TCF25: variants seen among roughly 807,000 people sequenced by gnomAD.
The protein encoded by TCF25 is TCF25 ribosome quality control complex subunit.
In TCF25, 41 loss-of-function variants were observed where a neutral mutation model predicts 83.1. That is an observed-to-expected ratio of 0.49 (90% CI 0.38 to 0.64). TCF25 has a LOEUF of 0.64. TCF25 is among the 30% of genes least tolerant of loss of function. TCF25 has a pLI of 0.00. For synonymous variants in TCF25, 458 were observed against 365.0 expected (o/e 1.25, Z -2.90); for missense variants, 979 against 914.5 (o/e 1.07, Z -0.91).
chr16:89,887,494 C>G (rs987838459), intron 4 of TCF25, among the ~76,000 whole-genome samples, 158 bp from the exon 5 acceptor site: 2 of 152,214 alleles, frequency 1.3e-5, no homozygotes, highest in South Asian at 4.1e-4. Context: ...GAGGCCTCAG[C>G]TGTGGTTGGG....
intron 1 of TCF25, 139 bp from the exon 2 acceptor site, chr16:89,883,212 T>G: frequency 8.6e-7 from 1 of 1,166,494 alleles, no homozygotes; most frequent in Non-Finnish European, 1.2e-6. Flanking sequence ...CTCGGGTTCT[T>G]GCATCTTTCC....
At chr16:89,909,168 A>G in intron 16 of TCF25, 2 of 1,274,014 alleles carry the variant, frequency 1.6e-6, no homozygotes, top group South Asian at 2.5e-5. Flanking sequence ...CATAAAATCA[A>G]AACTGCACCA....
rs759637015 is a variant in TCF25 at position 89,905,131 on chromosome 16, CCCT to C, written c.1628+40_1628+42del. The C allele has an allele frequency of 5.2e-6, 8 of 1,530,384 alleles. No individual in the cohort carries two copies. In the East Asian group the frequency reaches 7.0e-5, roughly 13 times the overall value. The allele number at this position is 1,530,384 out of a possible 1,614,324, so 94.8% of individuals were successfully genotyped here. On this transcript the variant is annotated intron_variant, in intron 14 of 17. Transcript: ENST00000263346. Reference sequence around the variant, plus strand: ...GGGTTGACACAAGCCCTGCCACGCCCCCTCCTCAGGGACCCTCATCCCAGACAC... The same window carrying C: ...GGGTTGACACAAGCCCTGCCACGCCCCCTCAGGGACCCTCATCCCAGACAC...
rs751414598 is a variant in TCF25 at position 89,884,656 on chromosome 16, G to C, written c.429G>C (p.Ser143=). The change falls in exon 3 of 18, where the codon TCG becomes TCC. Residue 143 remains serine (S), a splice_region_variant and synonymous_variant. Transcript: ENST00000263346. ...KNKKSSTGEA[S]ENGLEDIDRI... is the part of the protein sequence containing the mutation. ...AGAAAAGCAGCACGGGAGAAGCATC[G>C]GTACGTGAGTTGGGCCTGGCTGTGC... 1 of 1,611,396 alleles carries C rather than the reference G, an allele frequency of 6.2e-7. No individual in the cohort carries two copies.
At chr16:89,880,741 C>T (rs1198624410) in intron 1 of TCF25, among the ~76,000 whole-genome samples, 3 of 152,154 alleles carry the variant, frequency 2.0e-5, no homozygotes, top group African/African-American at 7.2e-5. Context: ...GACAAGTAAA[C>T]CAGCACCCAG....
chr16:89,911,202 C>CCTG lies in TCF25; in HGVS notation c.1995_1996insCTG (p.His665_Glu666insLeu). 1 of 1,612,466 alleles carries CCTG rather than the reference C, an allele frequency of 6.2e-7. No homozygotes were observed. Among genetic ancestry groups the CCTG allele is most frequent in the Non-Finnish European group, 8.5e-7 (1 of 1,179,970 alleles). On this transcript the variant is annotated inframe_insertion, in exon 18 of 18. Coordinates refer to ENST00000263346, the MANE Select transcript of TCF25 (RefSeq NM_014972.3). ...ACCTCAACGACCTGGAGGCGCCGCA[C>CCTG]GAGGACGACGCTGAGGGGGAGGGGG...
At chr16:89,910,302 T>G (rs950472786) in intron 16 of TCF25, 5 of 512,108 alleles carry the variant, frequency 9.8e-6, no homozygotes, top group African/African-American at 7.7e-5. Context: ...ACCTGTGCAG[T>G]GGCCGAGGAT....
chr16:89,906,374 T>C, intron 15 of TCF25, 90 bp downstream of exon 15: 1 of 1,307,946 alleles, frequency 7.6e-7, no homozygotes, highest in East Asian at 2.4e-5. Flanking sequence ...CAGGCGTGCG[T>C]GGTGCGGGCT....
intron 6 of TCF25, among the ~76,000 whole-genome samples, chr16:89,893,042 G>A (rs1414780154): frequency 1.3e-5 from 2 of 152,194 alleles, no homozygotes; most frequent in Admixed American, 6.5e-5. Context: ...CGCTGCTCAC[G>A]GCCCCTTCCC....
At chr16:89,908,836 C>G (rs370172757) in intron 16 of TCF25, 68 of 881,982 alleles carry the variant, frequency 7.7e-5, no homozygotes, top group Non-Finnish European at 8.6e-5. Flanking sequence ...CCAGCTCCCA[C>G]CTCGCAGCTC....
At position 89,895,973 on chromosome 16, in the gene TCF25, C is replaced by T. The variant is rs1430121075; in HGVS notation, c.929-17C>T. The T allele has an allele frequency of 8.1e-6, 13 of 1,610,242 alleles. No homozygotes were observed. Among genetic ancestry groups the T allele is most frequent in the South Asian group, 1.1e-5 (1 of 90,904 alleles). ...GTGTGGCCATGACACCCTCCCCTGGCGTCCCTGTGCCCACAGAGAGAGCGC... is the reference window on the plus strand; with the variant it reads ...GTGTGGCCATGACACCCTCCCCTGGTGTCCCTGTGCCCACAGAGAGAGCGC... On this transcript the variant is annotated splice_polypyrimidine_tract_variant and intron_variant, in intron 8 of 17. Transcript: ENST00000263346.
intron 1 of TCF25, among the ~76,000 whole-genome samples, chr16:89,881,485 G>A (rs1393885324): frequency 6.6e-6 from 1 of 151,856 alleles, no homozygotes; most frequent in Non-Finnish European, 1.5e-5. Flanking sequence ...TTGCTCTGTT[G>A]CCCACGCTGG....
At chr16:89,896,183 G>A (rs2043834698) in intron 9 of TCF25, 100 bp downstream of exon 9, 2 of 1,087,938 alleles carry the variant, frequency 1.8e-6, no homozygotes, top group Non-Finnish European at 2.7e-6. Context: ...GCCCTCCAGG[G>A]TGGACCAGGG....
rs774983711 is a variant in TCF25, at chr16:89,873,696, G to A, written c.29G>A (p.Arg10Lys). The part of the protein sequence containing the change: MSRRALRRL[R>K]GEQRGQEPLG... ...TCGCGCCGGGCCCTCCGGAGGCTGAGGGGGGAACAGCGCGGCCAGGAGCCC... is the reference window on the plus strand; with the variant it reads ...TCGCGCCGGGCCCTCCGGAGGCTGAAGGGGGAACAGCGCGGCCAGGAGCCC... The change falls in exon 1 of 18, where the codon AGG becomes AAG. Residue 10 changes from arginine to lysine, a missense_variant. By Grantham distance (26) the Arg-to-Lys change is conservative. Coordinates refer to ENST00000263346, the MANE Select transcript of TCF25 (RefSeq NM_014972.3). The A allele has an allele frequency of 2.7e-5, 44 of 1,607,934 alleles. No homozygotes were observed. The highest frequency in any genetic ancestry group is 3.3e-5 in the Non-Finnish European group (39 of 1,178,204).
intron 16 of TCF25, among the ~76,000 whole-genome samples, chr16:89,907,597 C>T (rs2044986870): frequency 6.8e-6 from 1 of 147,746 alleles, no homozygotes; most frequent in African/African-American, 2.5e-5. Flanking sequence ...TCCCAGTTCC[C>T]ACCTCCCAGC....
At chr16:89,877,503 A>T (rs1276461234) in intron 1 of TCF25, among the ~76,000 whole-genome samples, 1 of 152,218 alleles carries the variant, frequency 6.6e-6, no homozygotes, top group Admixed American at 6.6e-5. Flanking sequence ...TGCAACTGAA[A>T]CGATGATTAG....
chr16:89,877,296 T>C (rs1367211997), intron 1 of TCF25, among the ~76,000 whole-genome samples: 1 of 152,094 alleles, frequency 6.6e-6, no homozygotes, highest in South Asian at 2.1e-4. Flanking sequence ...CTTGAACTCC[T>C]GGGCTCAAAC....
intron 1 of TCF25, among the ~76,000 whole-genome samples, 164 bp downstream of exon 1, chr16:89,874,023 G>C (rs1017141849): frequency 2.2e-4 from 34 of 151,942 alleles, no homozygotes; most frequent in African/African-American, 8.2e-4. Context: ...TCGGGGCCAG[G>C]GCGACGCGGG....
At chr16:89,889,230 A>G (rs60806620) in intron 5 of TCF25, 8,189 of 396,750 alleles carry the variant, frequency 0.021, 635 homozygotes, top group African/African-American at 0.16. Flanking sequence ...TTTTTTAGAG[A>G]CAGGGTCTTG....
Sources: gnomAD v4.1 joint callset for allele counts (sites outside exome capture counted in the v4.1 genomes callset) on GRCh38, gnomAD v4.1.1 for gene constraint, MANE v1.5 for transcripts, NCBI Gene and HGNC (gene_info 2026-07-23, HGNC 2026-07-21) for gene names.